CDH2: variants seen among roughly 807,000 people sequenced by gnomAD.
CDH2 encodes cadherin 2.
Under a neutral mutation model 92.0 loss-of-function variants are expected in CDH2, and 17 were observed. The ratio of observed to expected loss-of-function variants is 0.18; its 90% CI spans 0.13 to 0.28. CDH2 has a LOEUF of 0.28. Ranked by LOEUF, CDH2 falls within the 10% of genes least tolerant of loss-of-function variation. The probability of loss-of-function intolerance (pLI) is 1.00; values close to 1 mark genes in which losing one functional copy is unlikely to be tolerated. For missense variants in CDH2, 862 were observed against 1,133.1 expected, an observed-to-expected ratio of 0.76 and a Z score of 3.44; for synonymous variants, 419 against 415.9, an observed-to-expected ratio of 1.01 and a Z score of -0.09.
chr18:27,987,841 G>A (rs2012285052), intron 11 of CDH2, among the ~76,000 whole-genome samples: 1 of 152,156 alleles, frequency 6.6e-6, no homozygotes, highest in Non-Finnish European at 1.5e-5. Flanking sequence ...AAGTGGGAAA[G>A]CCGGAGTCTG....
intron 14 of CDH2, among the ~76,000 whole-genome samples, chr18:27,982,669 TA>T (rs1186854793): frequency 6.6e-6 from 1 of 152,022 alleles, no homozygotes; most frequent in African/African-American, 2.4e-5. Flanking sequence ...AGAGAAACTG[TA>T]AAGTATATTT....
intron 2 of CDH2, among the ~76,000 whole-genome samples, chr18:28,029,587 T>C (rs1373161506): frequency 6.6e-6 from 1 of 152,116 alleles, no homozygotes; most frequent in Non-Finnish European, 1.5e-5. Context: ...CTTATTCTCA[T>C]TAATGGGCTG....
intron 6 of CDH2, among the ~76,000 whole-genome samples, chr18:28,003,915 G>T (rs1273603200): frequency 6.6e-6 from 1 of 152,114 alleles, no homozygotes; most frequent in African/African-American, 2.4e-5. Context: ...TTGTTCTGTG[G>T]GATCCATTTA....
At chr18:28,011,001 A>G (rs2013082956) in intron 4 of CDH2, among the ~76,000 whole-genome samples, 1 of 151,800 alleles carries the variant, frequency 6.6e-6, no homozygotes, top group Non-Finnish European at 1.5e-5. Flanking sequence ...TAAAGTAGAA[A>G]AAGAGACAGT....
At chr18:28,046,987 A>T (rs2014089395) in intron 2 of CDH2, among the ~76,000 whole-genome samples, 1 of 152,214 alleles carries the variant, frequency 6.6e-6, no homozygotes, top group Admixed American at 6.5e-5. Context: ...GAAAATAGAG[A>T]TTCTATGAAT....
chr18:28,027,000 C>A (rs1191619821), intron 2 of CDH2, among the ~76,000 whole-genome samples: 1 of 152,078 alleles, frequency 6.6e-6, no homozygotes, highest in Non-Finnish European at 1.5e-5. Context: ...TCCTCCCCTG[C>A]AGTGGTCATT....
chr18:28,062,994 G>A (rs1446821113), intron 2 of CDH2, among the ~76,000 whole-genome samples: 1 of 152,050 alleles, frequency 6.6e-6, no homozygotes, highest in African/African-American at 2.4e-5. Flanking sequence ...TTTCATAAAA[G>A]CCTAATATGC....
intron 7 of CDH2, among the ~76,000 whole-genome samples, chr18:27,997,931 C>A (rs529992132): frequency 6.6e-6 from 1 of 152,022 alleles, no homozygotes; most frequent in Non-Finnish European, 1.5e-5. Context: ...CTCAGCCTCC[C>A]GAGTAGCTGG....
At chr18:27,959,384 A>G (rs1289172780) in intron 15 of CDH2, 1 of 152,218 alleles carries the variant, frequency 6.6e-6, no homozygotes, top group Non-Finnish European at 1.5e-5. Context: ...AAGCACTCCA[A>G]TTATAATCAC....
intron 2 of CDH2, among the ~76,000 whole-genome samples, chr18:28,063,890 T>C (rs1253840165): frequency 1.3e-5 from 2 of 152,350 alleles, no homozygotes; most frequent in East Asian, 3.9e-4. Flanking sequence ...TTGGCTACTG[T>C]CTATATTCTG....
intron 4 of CDH2, among the ~76,000 whole-genome samples, chr18:28,011,314 A>G (rs1280452624): frequency 6.6e-6 from 1 of 151,534 alleles, no homozygotes; most frequent in Non-Finnish European, 1.5e-5. Flanking sequence ...AAAAAAACTT[A>G]CTCCTCAGAT....
chr18:28,116,493 C>G (rs926022085), intron 2 of CDH2, among the ~76,000 whole-genome samples: 1 of 152,078 alleles, frequency 6.6e-6, no homozygotes, highest in African/African-American at 2.4e-5. Context: ...TAGCTTAGAA[C>G]AAAGCAAAGT....
intron 1 of CDH2, among the ~76,000 whole-genome samples, chr18:28,160,322 C>CT (rs2016288141): frequency 6.6e-6 from 1 of 152,036 alleles, no homozygotes; most frequent in African/African-American, 2.4e-5. Context: ...TGGCAATGGT[C>CT]TAAGGTAGCT....
chr18:28,155,938 T>A (rs934468476), intron 1 of CDH2, among the ~76,000 whole-genome samples: 60 of 152,164 alleles, frequency 3.9e-4, no homozygotes, highest in Admixed American at 6.5e-4. Context: ...TTCACATCCC[T>A]GCAAAAATGC....
intron 2 of CDH2, among the ~76,000 whole-genome samples, chr18:28,068,570 T>A (rs2014555176): frequency 6.6e-6 from 1 of 152,204 alleles, no homozygotes; most frequent in African/African-American, 2.4e-5. Context: ...AATGCAGATA[T>A]TCTGTATTAA....
intron 2 of CDH2, among the ~76,000 whole-genome samples, chr18:28,047,741 T>C (rs1027860030): frequency 2.6e-5 from 4 of 150,970 alleles, no homozygotes; most frequent in Non-Finnish European, 4.4e-5. Flanking sequence ...TGGTGGCGGG[T>C]GCCTGTAGTC....
At chr18:28,078,677 ATTT>A (rs5823582) in intron 2 of CDH2, among the ~76,000 whole-genome samples, 1 of 144,488 alleles carries the variant, frequency 6.9e-6, no homozygotes, top group African/African-American at 2.5e-5. Context: ...TTGTACATTG[ATTT>A]TTTTTTTTTT....
intron 7 of CDH2, among the ~76,000 whole-genome samples, chr18:28,002,112 G>A (rs1157104845): frequency 3.3e-5 from 5 of 152,260 alleles, no homozygotes; most frequent in East Asian, 1.9e-4. Context: ...GGACAGAATC[G>A]AGAAAGGATG....
rs575083968 is a variant in CDH2 at position 28,016,674 on chromosome 18, G to A, written c.173-2765C>T. On this transcript the variant is annotated intron_variant, in intron 2 of 15. Coordinates refer to ENST00000269141, the MANE Select transcript of CDH2 (RefSeq NM_001792.5). ...TGCACATGGCTGTTTGATTTCCAGC[G>A]GTTTACTCCCATACAAAAGTGCAAA... 5.9e-5 allele frequency among the ~76,000 whole-genome samples: 9 copies of A among 152,024 alleles called. No homozygotes were observed. The South Asian group carries it at 1.2e-3, about 21-fold the overall frequency.
Sources: gnomAD v4.1 joint callset for allele counts (sites outside exome capture counted in the v4.1 genomes callset) on GRCh38, gnomAD v4.1.1 for gene constraint, MANE v1.5 for transcripts, NCBI Gene and HGNC (gene_info 2026-07-23, HGNC 2026-07-21) for gene names.